Variants in GUF1 observed in about 807,000 individuals in gnomAD.
GUF1 encodes the protein translation factor GUF1, mitochondrial.
Under a neutral mutation model 82.4 loss-of-function variants are expected in GUF1, and 78 were observed. That is an observed-to-expected ratio of 0.95 (90% confidence interval 0.79 to 1.14). The LOEUF (loss-of-function observed/expected upper bound fraction) is 1.14, where lower values mean the gene tolerates loss of function less well. Ranked by LOEUF, GUF1 falls within the 50% of genes most tolerant of loss-of-function variation. The pLI is 0.00. For synonymous variants in GUF1, 279 were observed against 282.3 expected (o/e 0.99, Z 0.12); for missense variants, 814 against 798.2 (o/e 1.02, Z -0.24).
intron 13 of GUF1, 194 bp from the exon 14 acceptor site, chr4:44,694,218 C>T: frequency 3.9e-6 from 2 of 513,586 alleles, no homozygotes; most frequent in Non-Finnish European, 6.9e-6. Context: ...TGCTTTTGCC[C>T]TTGATTTAAT....
At chr4:44,684,473 G>C (rs1361935290) in intron 6 of GUF1, among the ~76,000 whole-genome samples, 1 of 152,084 alleles carries the variant, frequency 6.6e-6, no homozygotes, top group Admixed American at 6.6e-5. Context: ...GTGCTGTGCT[G>C]AAGAGCTTGA....
intron 16 of GUF1, among the ~76,000 whole-genome samples, chr4:44,697,708 C>G (rs2109672947): frequency 9.5e-6 from 1 of 105,154 alleles, no homozygotes; most frequent in South Asian, 2.9e-4. Flanking sequence ...AAGATTTTTA[C>G]AACAGTTATT....
At chr4:44,690,151 G>T (rs1715342530) in intron 11 of GUF1, among the ~76,000 whole-genome samples, 176 bp downstream of exon 11, 1 of 104,600 alleles carries the variant, frequency 9.6e-6, no homozygotes, top group Admixed American at 9.0e-5. Context: ...TATGGCTAAT[G>T]ATGAAGAACT....
chr4:44,697,656 C>T (rs2109672833), intron 16 of GUF1, among the ~76,000 whole-genome samples: 1 of 151,776 alleles, frequency 6.6e-6, no homozygotes, highest in South Asian at 2.1e-4. Flanking sequence ...TAAAAATTTA[C>T]AAAAATATTT....
At chr4:44,697,299 G>A in intron 15 of GUF1, 109 bp from the exon 16 acceptor site, 1 of 541,858 alleles carries the variant, frequency 1.8e-6, no homozygotes, top group Non-Finnish European at 3.3e-6. Context: ...CATAGGTAAT[G>A]ATACTATCAT....
rs769392101 is a variant in GUF1, at chr4:44,691,669, C to G, written c.1483C>G (p.Arg495Gly). ...TGKIMMLCEA[R>G]RAVQKNMIFI... is the part of the protein sequence containing the mutation. ...ATTTTCTTCCTTCCCTTTTTAGGCT[C>G]GAAGAGCAGTTCAGAAGAATATGAT... Residue 495 changes from arginine (R) to glycine (G), a missense_variant, in exon 13 of 17, where the codon CGA becomes GGA. Coordinates refer to ENST00000281543, the MANE Select transcript of GUF1 (RefSeq NM_021927.3). 4 of 1,584,768 alleles carry G rather than the reference C, an allele frequency of 2.5e-6. No homozygotes were observed. The highest frequency in any genetic ancestry group is 3.4e-6 in the Non-Finnish European group (4 of 1,164,194).
Position 44,680,691 on chromosome 4 carries a change from T to A in GUF1, c.278-3T>A. 1 of 1,576,756 alleles carries A rather than the reference T, an allele frequency of 6.3e-7. No homozygotes were observed. The highest frequency in any genetic ancestry group is 8.6e-7 in the Non-Finnish European group (1 of 1,156,976). ...AAATATCAATAAGTGTTTCTGTTTATAGGGACAATTGATAAAACAAAGAAT... is the reference window on the plus strand; with the variant it reads ...AAATATCAATAAGTGTTTCTGTTTAAAGGGACAATTGATAAAACAAAGAAT... On this transcript the variant is annotated splice_region_variant and splice_polypyrimidine_tract_variant and intron_variant, in intron 2 of 16. Coordinates refer to ENST00000281543, the MANE Select transcript of GUF1 (RefSeq NM_021927.3).
chr4:44,683,091 G>T, intron 5 of GUF1, 144 bp from the exon 6 acceptor site: 4 of 496,972 alleles, frequency 8.0e-6, no homozygotes, highest in Admixed American at 4.3e-5. Flanking sequence ...CTAATATATA[G>T]ATTATTTTAC....
intron 6 of GUF1, among the ~76,000 whole-genome samples, chr4:44,683,971 T>C (rs1714912951): frequency 6.6e-6 from 1 of 152,146 alleles, no homozygotes; most frequent in African/African-American, 2.4e-5. Context: ...TTTTATATTT[T>C]GGATTATGTT....
In GUF1 at chr4:44,700,522, C is replaced by T. The variant is rs75897686; in HGVS notation, c.*1841C>T. The stretch of plus-strand genomic sequence containing the variant: ...CTTCAAGTTGTCCTGCCTTTCAAGA[C>T]CAATGTACACCTTACACATACTGAT... On this transcript the variant is annotated 3_prime_UTR_variant, in exon 17 of 17. Coordinates refer to ENST00000281543, the MANE Select transcript of GUF1 (RefSeq NM_021927.3). 9 of 152,250 alleles carry T rather than the reference C, an allele frequency of 5.9e-5. No individual in the cohort carries two copies. The East Asian group carries it at 1.5e-3, about 26-fold the overall frequency. 9.4% of individuals were successfully genotyped at this position (152,250 alleles called of 1,614,324 possible).
Position 44,698,679 on chromosome 4 carries a change from T to TAA in GUF1, c.2009_2010dup. ...IKVLKTQSSK[*] is the part of the protein sequence containing the mutation. ...AGTTCTGAAAACACAATCTTCTAAA[T>TAA]AATTGGTGGGAAAACAAAGAATTTT... The change falls in exon 17 of 17, where the codon TAA becomes TAAAA. Residue 670 remains the stop codon, a frameshift_variant and stop_retained_variant. Coordinates refer to ENST00000281543, the MANE Select transcript of GUF1 (RefSeq NM_021927.3). LOFTEE classifies it high-confidence loss of function. 4 of 1,586,746 alleles carry TAA rather than the reference T, an allele frequency of 2.5e-6. No individual in the cohort carries two copies. The highest frequency in any genetic ancestry group is 3.4e-6 in the Non-Finnish European group (4 of 1,172,080).
At chr4:44,687,943 A>G in intron 8 of GUF1, 64 bp from the exon 9 acceptor site, 1 of 1,445,178 alleles carries the variant, frequency 6.9e-7, no homozygotes. Flanking sequence ...AGGTAGAACT[A>G]ATTGTGAGTT....
At chr4:44,690,598 A>C in intron 11 of GUF1, 119 bp from the exon 12 acceptor site, 1 of 570,348 alleles carries the variant, frequency 1.8e-6, no homozygotes, top group Non-Finnish European at 3.1e-6. Context: ...TTGTTTACTA[A>C]TACTTGTTAT....
chr4:44,693,233 T>G (rs997661077), intron 13 of GUF1, among the ~76,000 whole-genome samples: 2 of 152,042 alleles, frequency 1.3e-5, no homozygotes, highest in African/African-American at 4.8e-5. Context: ...TCCTGCATTC[T>G]AAGGAAACAC....
In GUF1 at chr4:44,696,090, G is replaced by A. The variant is rs1351269469; in HGVS notation, c.1835+356G>A. On this transcript the variant is annotated intron_variant, in intron 15 of 16. Transcript: ENST00000281543. ...ATAGAAACTGAAACTAAAAGGTTTT[G>A]TCTTCCAAATGACAAAATTACAATT... 2.0e-5 allele frequency among the ~76,000 whole-genome samples: 3 copies of A among 147,086 alleles called. No individual in the cohort carries two copies. In the East Asian group the frequency reaches 6.0e-4, roughly 29 times the overall value.
chr4:44,700,454 A>C lies in GUF1; in HGVS notation c.*1773A>C, dbSNP rs1020429046. On this transcript the variant is annotated 3_prime_UTR_variant, in exon 17 of 17. Transcript: ENST00000281543. The stretch of plus-strand genomic sequence containing the variant: ...CTAATCAGAAACTCAAAAAAATGCA[A>C]CCCTTTCTCTCTTACCTGCCTATGC... 1 of 152,140 alleles carries C rather than the reference A, an allele frequency of 6.6e-6. No individual in the cohort carries two copies. The highest frequency in any genetic ancestry group is 2.1e-4 in the South Asian group (1 of 4,810). The allele number at this position is 152,140 out of a possible 1,614,324, so 9.4% of individuals were successfully genotyped here.
intron 13 of GUF1, among the ~76,000 whole-genome samples, chr4:44,693,237 G>A (rs999732679): frequency 6.6e-6 from 1 of 151,942 alleles, no homozygotes; most frequent in African/African-American, 2.4e-5. Flanking sequence ...GCATTCTAAG[G>A]AAACACTAGA....
chr4:44,690,219 CAA>C (rs1715346994), intron 11 of GUF1, among the ~76,000 whole-genome samples: 3 of 151,654 alleles, frequency 2.0e-5, no homozygotes, highest in Admixed American at 1.3e-4. Context: ...TCCAGATTAT[CAA>C]AACTAGTCTA....
At chr4:44,691,635 A>G (rs746958515) in intron 12 of GUF1, 31 bp from the exon 13 acceptor site, 6 of 1,560,584 alleles carry the variant, frequency 3.8e-6, no homozygotes, top group Non-Finnish European at 2.6e-6. Flanking sequence ...GTAGGTTATC[A>G]TTAAACCCAT....
Sources: gnomAD v4.1 joint callset for allele counts (sites outside exome capture counted in the v4.1 genomes callset) on GRCh38, gnomAD v4.1.1 for gene constraint, MANE v1.5 for transcripts, NCBI Gene and HGNC (gene_info 2026-07-23, HGNC 2026-07-21) for gene names.